The following CCNY variants were observed in gnomAD, a reference collection of about 807,000 sequenced individuals.
CCNY encodes cyclin Y, also known as cyclin-Y.
A neutral mutation model predicts 42.8 loss-of-function variants in CCNY; 19 were observed. The ratio of observed to expected loss-of-function variants is 0.44; its 90% CI spans 0.31 to 0.65. The LOEUF (loss-of-function observed/expected upper bound fraction) is 0.65, where lower values mean the gene tolerates loss of function less well. CCNY is among the 30% of genes least tolerant of loss of function. CCNY has a pLI of 0.07. For missense variants in CCNY, 370 were observed against 437.3 expected (o/e 0.85, Z 1.37); for synonymous variants, 165 against 162.7 (o/e 1.01, Z -0.11).
At chr10:35,318,521 T>C (rs1835786197) in intron 3 of CCNY, among the ~76,000 whole-genome samples, 2 of 152,194 alleles carry the variant, frequency 1.3e-5, no homozygotes, top group African/African-American at 4.8e-5. Context: ...AGGTAAATGA[T>C]TCTCTTATTT....
intron 7 of CCNY, among the ~76,000 whole-genome samples, chr10:35,552,578 A>G (rs563448053): frequency 1.6e-4 from 25 of 152,240 alleles, no homozygotes; most frequent in Non-Finnish European, 2.9e-4. Flanking sequence ...TTTTACCACA[A>G]TAATTAAAAG....
chr10:35,475,226 C>G (rs2135351740), intron 1 of CCNY, among the ~76,000 whole-genome samples: 1 of 152,194 alleles, frequency 6.6e-6, no homozygotes, highest in South Asian at 2.1e-4. Context: ...AGGATATTAT[C>G]CAGGAGAATT....
At chr10:35,541,851 G>A (rs570150978) in intron 7 of CCNY, among the ~76,000 whole-genome samples, 61 of 150,104 alleles carry the variant, frequency 4.1e-4, no homozygotes, top group South Asian at 1.3e-3. Flanking sequence ...ATCCCATCCA[G>A]GACACCATGT....
intron 1 of CCNY, among the ~76,000 whole-genome samples, chr10:35,410,826 G>A (rs1184155993): frequency 1.3e-5 from 2 of 152,204 alleles, no homozygotes; most frequent in Non-Finnish European, 1.5e-5. Flanking sequence ...TAAGTCTGGA[G>A]TAGGGTGGGA....
chr10:35,437,763 A>G (rs973413058), intron 1 of CCNY, among the ~76,000 whole-genome samples: 2 of 152,184 alleles, frequency 1.3e-5, no homozygotes, highest in African/African-American at 2.4e-5. Flanking sequence ...ATCTGTAGCC[A>G]TGTTTAAATA....
At chr10:35,270,051 T>C (rs1835144563) in intron 3 of CCNY, among the ~76,000 whole-genome samples, 3 of 152,158 alleles carry the variant, frequency 2.0e-5, no homozygotes, top group South Asian at 4.1e-4. Flanking sequence ...ACCTAAGACC[T>C]CATCAGAATG....
At chr10:35,303,930 C>T (rs933744372) in intron 3 of CCNY, among the ~76,000 whole-genome samples, 3 of 152,076 alleles carry the variant, frequency 2.0e-5, no homozygotes, top group African/African-American at 7.2e-5. Flanking sequence ...GCACAGATTA[C>T]GATGTGGGGA....
At chr10:35,514,072 G>GT in intron 3 of CCNY, among the ~76,000 whole-genome samples, 1 of 51,152 alleles carries the variant, frequency 2.0e-5, no homozygotes, top group Admixed American at 3.2e-4. Flanking sequence ...GAGAGGACCA[G>GT]TTCAAAAAAA....
chr10:35,521,014 A>T (rs1205290649), intron 4 of CCNY, among the ~76,000 whole-genome samples: 7 of 152,230 alleles, frequency 4.6e-5, no homozygotes. Flanking sequence ...TCTATGGCTC[A>T]GCCCCACTGT....
chr10:35,416,011 C>T (rs946906217), intron 1 of CCNY, among the ~76,000 whole-genome samples: 1 of 152,124 alleles, frequency 6.6e-6, no homozygotes. Context: ...CCCTATCCTT[C>T]CTGAAAGAGC....
At position 35,251,540 on chromosome 10, in the gene CCNY, G is replaced by A. The variant is rs899776756; in HGVS notation, c.-9+914G>A. Among the ~76,000 whole-genome samples, 6 of 150,836 alleles carry A rather than the reference G, an allele frequency of 4.0e-5. 1 individual carries two copies. In the South Asian group the frequency reaches 1.3e-3, roughly 32 times the overall value. ...TTTGTTTGCTAAATTGGAATAATTA[G>A]ACTTCATACTTAACCAAACTTTCCC... is the stretch of plus-strand genomic sequence containing the variant. On this transcript the variant is annotated intron_variant, in intron 3 of 11. Transcript: ENST00000374706.
At chr10:35,462,829 A>G (rs1011094423) in intron 1 of CCNY, among the ~76,000 whole-genome samples, 1 of 152,214 alleles carries the variant, frequency 6.6e-6, no homozygotes. Flanking sequence ...GGCTCTTTCC[A>G]TTGAGCGCCT....
chr10:35,444,030 C>T (rs1382644342), intron 1 of CCNY, among the ~76,000 whole-genome samples: 4 of 152,194 alleles, frequency 2.6e-5, no homozygotes, highest in East Asian at 1.9e-4. Context: ...AAACTGCTAG[C>T]GAGTAGCACC....
At chr10:35,341,924 G>A (rs1313893223) in intron 1 of CCNY, among the ~76,000 whole-genome samples, 2 of 152,090 alleles carry the variant, frequency 1.3e-5, no homozygotes, top group Non-Finnish European at 2.9e-5. Flanking sequence ...TTTAGCTGTG[G>A]CCTTACATCC....
chr10:35,529,936 G>C (rs1325017609), intron 5 of CCNY, 37 bp from the exon 6 acceptor site: 1 of 1,546,780 alleles, frequency 6.5e-7, no homozygotes, highest in Non-Finnish European at 8.9e-7. Flanking sequence ...CATTCTTGCA[G>C]AAAGTAAGTT....
intron 1 of CCNY, among the ~76,000 whole-genome samples, chr10:35,439,377 C>G (rs1838614692): frequency 6.6e-6 from 1 of 152,050 alleles, no homozygotes; most frequent in African/African-American, 2.4e-5. Context: ...TTCACTGATT[C>G]TTTCTTCTGT....
upstream of CCNY, chr10:35,336,193 C>T (rs1327545436): frequency 1.3e-5 from 2 of 152,218 alleles, no homozygotes; most frequent in African/African-American, 4.8e-5. Context: ...GCTGCGCTCC[C>T]GCCCGCTGCG....
At chr10:35,258,139 C>T (rs557194558) in intron 3 of CCNY, among the ~76,000 whole-genome samples, 48 of 151,932 alleles carry the variant, frequency 3.2e-4, no homozygotes, top group South Asian at 1.3e-3. Flanking sequence ...CCAGCCTGGG[C>T]GACAGAGTGA....
intron 1 of CCNY, among the ~76,000 whole-genome samples, chr10:35,379,295 C>G (rs1003330870): frequency 6.6e-6 from 1 of 152,140 alleles, no homozygotes; most frequent in Non-Finnish European, 1.5e-5. Flanking sequence ...TCCCTGCCCC[C>G]CTGGACCTGG....
Sources: allele counts gnomAD v4.1 joint callset (sites outside exome capture counted in the v4.1 genomes callset), GRCh38; gene constraint gnomAD v4.1.1; transcripts MANE v1.5; gene names NCBI Gene and HGNC (gene_info 2026-07-23, HGNC 2026-07-21).